The following TULP4 variants were observed in gnomAD, a reference collection of about 807,000 sequenced individuals.
TULP4 encodes tubby-related protein 4.
Under a neutral mutation model 129.0 loss-of-function variants are expected in TULP4, and 16 were observed. That is an observed-to-expected ratio of 0.12 (90% CI 0.08 to 0.19). TULP4 has a LOEUF of 0.19. Among genes scored for constraint, TULP4 ranks in the 10% least tolerant of loss-of-function variants. The pLI, the probability that TULP4 is intolerant of heterozygous loss-of-function variation, is 1.00. For synonymous variants in TULP4, 998 were observed against 854.0 expected (o/e 1.17, Z -2.94); for missense variants, 1,842 against 2,059.1 (o/e 0.89, Z 2.04).
chr6:158,267,893 C>T (rs6902320), intron 1 of TULP4, among the ~76,000 whole-genome samples: 147 of 152,204 alleles, frequency 9.7e-4, no homozygotes, highest in African/African-American at 3.5e-3. Context: ...TCAGTCGAAT[C>T]CCTTCTCCTC....
rs538429838 is a variant in TULP4, at chr6:158,507,056, G to A, written c.*362G>A. On this transcript the variant is annotated 3_prime_UTR_variant, in exon 14 of 14. Transcript: ENST00000367097. ...CTGCTATTCTTTTAGACATAGGGAG[G>A]ATGCATTATCCTGTATTCTCCTCCA... 40 of 225,966 alleles carry A rather than the reference G, an allele frequency of 1.8e-4. No individual in the cohort carries two copies. The highest frequency in any genetic ancestry group is 8.7e-4 in the Admixed American group (17 of 19,436). 14.0% of individuals were successfully genotyped at this position (225,966 alleles called of 1,614,324 possible).
intron 1 of TULP4, among the ~76,000 whole-genome samples, chr6:158,373,435 C>G (rs1777114855): frequency 6.6e-6 from 1 of 152,138 alleles, no homozygotes; most frequent in African/African-American, 2.4e-5. Context: ...TGACTGCTGC[C>G]AAGGAGACTG....
At chr6:158,415,721 A>G (rs889538114) in intron 2 of TULP4, among the ~76,000 whole-genome samples, 2 of 151,702 alleles carry the variant, frequency 1.3e-5, no homozygotes, top group African/African-American at 4.8e-5. Context: ...TTCAGGAGGT[A>G]TTCCTGAAGA....
At chr6:158,305,792 G>A (rs934750838) in intron 1 of TULP4, among the ~76,000 whole-genome samples, 1 of 151,572 alleles carries the variant, frequency 6.6e-6, no homozygotes, top group African/African-American at 2.4e-5. Context: ...ACAAATATCT[G>A]TTCAAGTTTC....
At chr6:158,279,230 C>G (rs977340691), upstream of TULP4, among the ~76,000 whole-genome samples, 2 of 152,132 alleles carry the variant, frequency 1.3e-5, no homozygotes, top group Non-Finnish European at 1.5e-5. Flanking sequence ...GCTTGAGCCA[C>G]CGCGCCCGGC....
At chr6:158,378,872 T>A (rs998455525) in intron 1 of TULP4, among the ~76,000 whole-genome samples, 1 of 152,158 alleles carries the variant, frequency 6.6e-6, no homozygotes, top group Non-Finnish European at 1.5e-5. Context: ...GAAGTGAACT[T>A]GTATTTAATT....
chr6:158,241,155 C>T (rs530412063), intron 1 of TULP4, among the ~76,000 whole-genome samples: 11 of 134,524 alleles, frequency 8.2e-5, no homozygotes, highest in South Asian at 2.5e-4. Flanking sequence ...GATGGGCGGC[C>T]GGGCAGAGAC....
At chr6:158,501,468 C>T (rs1191056223) in intron 12 of TULP4, among the ~76,000 whole-genome samples, 1 of 152,156 alleles carries the variant, frequency 6.6e-6, no homozygotes, top group Admixed American at 6.5e-5. Flanking sequence ...TGACAGTACC[C>T]TTAGCTAACA....
intron 1 of TULP4, among the ~76,000 whole-genome samples, chr6:158,383,462 A>T (rs1379376850): frequency 3.3e-5 from 5 of 152,248 alleles, no homozygotes; most frequent in Non-Finnish European, 4.4e-5. Context: ...TAATACTATC[A>T]AGGTATGGAT....
At chr6:158,438,566 AGTTTGTTTGTTT>A (rs140886476) in intron 3 of TULP4, among the ~76,000 whole-genome samples, 299 of 141,906 alleles carry the variant, frequency 2.1e-3, no homozygotes, top group African/African-American at 6.3e-3. Context: ...AAAACACCAC[AGTTTGTTTGTTT>A]GTTTGTTTGT....
intron 6 of TULP4, among the ~76,000 whole-genome samples, 153 bp from the exon 7 acceptor site, chr6:158,479,598 G>T (rs1021568082): frequency 6.6e-6 from 1 of 152,060 alleles, no homozygotes; most frequent in African/African-American, 2.4e-5. Flanking sequence ...CTGAATTTTC[G>T]TAATATAGTG....
At chr6:158,415,241 T>A (rs1273135859) in intron 2 of TULP4, among the ~76,000 whole-genome samples, 1 of 152,102 alleles carries the variant, frequency 6.6e-6, no homozygotes, top group African/African-American at 2.4e-5. Context: ...GCCAGCTGTA[T>A]AAAAGTATAG....
intron 1 of TULP4, among the ~76,000 whole-genome samples, chr6:158,380,894 C>CAA (rs1227720723): frequency 5.5e-5 from 4 of 72,250 alleles, no homozygotes; most frequent in East Asian, 3.9e-4. Context: ...ACTCTGTCTC[C>CAA]AAAAAAAAAA....
Position 158,501,852 on chromosome 6 carries a change from C to G in TULP4, c.2189C>G (p.Ala730Gly), listed in dbSNP as rs767363595. Reference sequence around the variant, plus strand: ...GATGTCCTGACCAACCAGACGACAGCTGTAGGGACAGCAGAACATGCAGGT... The same window carrying G: ...GATGTCCTGACCAACCAGACGACAGGTGTAGGGACAGCAGAACATGCAGGT... ...QLDVLTNQTT[A>G]VGTAEHAGDS... Residue 730 changes from alanine to glycine, a missense_variant, in exon 13 of 14, where the codon GCT becomes GGT. Around this residue, in one of 5 missense-constraint regions of TULP4, gnomAD observed 1,089 missense variants for 987.1 expected, o/e 1.10. Transcript: ENST00000367097. The G allele has an allele frequency of 1.2e-6, 2 of 1,614,162 alleles. No homozygotes were observed. Among genetic ancestry groups the G allele is most frequent in the Non-Finnish European group, 1.7e-6 (2 of 1,180,026 alleles).
intron 1 of TULP4, among the ~76,000 whole-genome samples, chr6:158,335,829 C>G (rs959412723): frequency 6.6e-6 from 1 of 152,162 alleles, no homozygotes; most frequent in African/African-American, 2.4e-5. Context: ...TATCGTAGTA[C>G]TATATTTTAC....
intron 6 of TULP4, among the ~76,000 whole-genome samples, chr6:158,462,842 C>T (rs767765070): frequency 1.3e-5 from 2 of 150,948 alleles, no homozygotes; most frequent in Non-Finnish European, 2.9e-5. Flanking sequence ...CTCCTCCTCC[C>T]GGGTTCAAGC....
At chr6:158,491,475 TC>T (rs1780206089) in intron 9 of TULP4, among the ~76,000 whole-genome samples, 389 of 24,930 alleles carry the variant, frequency 0.016, 2 homozygotes, top group Middle Eastern at 0.088. Flanking sequence ...TTCTTTCTTT[TC>T]TTTCTTTCTT....
At position 158,331,730 on chromosome 6, in the gene TULP4, T is replaced by TAC. The variant is rs1562523187; in HGVS notation, c.252+17463_252+17464dup. On this transcript the variant is annotated intron_variant, in intron 1 of 13. Transcript: ENST00000367097. ...ACACACACACACACACACACACACA[T>TAC]ACGTATATATATACGTGTATATACA... Among the ~76,000 whole-genome samples the TAC allele has an allele frequency of 2.4e-4, 6 of 24,650 alleles. 1 individual carries two copies. The highest frequency in any genetic ancestry group is 3.7e-4 in the Non-Finnish European group (5 of 13,430). The allele number at this position is 24,650 out of a possible 152,430, so 16.2% of individuals were successfully genotyped here.
chr6:158,267,700 T>C (rs1166703027), intron 1 of TULP4, among the ~76,000 whole-genome samples: 1 of 152,190 alleles, frequency 6.6e-6, no homozygotes, highest in African/African-American at 2.4e-5. Context: ...GGAGTGTTGC[T>C]CCCCTTTTCT....
Sources: allele counts gnomAD v4.1 joint callset (sites outside exome capture counted in the v4.1 genomes callset), GRCh38; gene constraint gnomAD v4.1.1; regional missense constraint gnomAD v4.1.1; transcripts MANE v1.5; gene names NCBI Gene and HGNC (gene_info 2026-07-23, HGNC 2026-07-21).